CEP128: variants seen among roughly 807,000 people sequenced by gnomAD.
CEP128 encodes centrosomal protein 128.
CEP128 carries 132 observed loss-of-function variants against 156.7 expected under a neutral mutation model. That is an observed-to-expected ratio of 0.84 (90% CI 0.73 to 0.97). The LOEUF is 0.97. Among genes scored for constraint, CEP128 ranks in the 50% least tolerant of loss-of-function variants. The probability of loss-of-function intolerance (pLI) is 0.00; values close to 1 mark genes in which losing one functional copy is unlikely to be tolerated. For synonymous variants in CEP128, 469 were observed against 448.9 expected, an observed-to-expected ratio of 1.04 and a Z score of -0.57; for missense variants, 1,252 against 1,281.9, an observed-to-expected ratio of 0.98 and a Z score of 0.36.
Position 80,831,301 on chromosome 14 carries a change from A to G in CEP128, c.1058-7T>C. ...TGTTTTTCCCGCTCAACCCCTTAAA[A>G]GATAAAATGTAAGGCTCAAGGGTTG... On this transcript the variant is annotated splice_region_variant and splice_polypyrimidine_tract_variant and intron_variant, in intron 12 of 24. Transcript: ENST00000555265. 1 of 1,613,864 alleles carries G rather than the reference A, an allele frequency of 6.2e-7. No individual in the cohort carries two copies. Among genetic ancestry groups the G allele is most frequent in the Non-Finnish European group, 8.5e-7 (1 of 1,179,826 alleles).
chr14:80,850,910 T>C (rs959615462), intron 9 of CEP128, among the ~76,000 whole-genome samples: 1 of 152,216 alleles, frequency 6.6e-6, no homozygotes, highest in African/African-American at 2.4e-5. Context: ...AGTTGAATTA[T>C]GTTTAATTTA....
At chr14:80,879,629 T>C (rs1248285879) in intron 8 of CEP128, among the ~76,000 whole-genome samples, 1 of 151,870 alleles carries the variant, frequency 6.6e-6, no homozygotes, top group Non-Finnish European at 1.5e-5. Flanking sequence ...AAGATGAGTA[T>C]TTTGAAATGA....
intron 6 of CEP128, among the ~76,000 whole-genome samples, chr14:80,901,774 C>G (rs971728412): frequency 6.6e-6 from 1 of 152,328 alleles, no homozygotes; most frequent in Non-Finnish European, 1.5e-5. Context: ...CTCCTTCTCT[C>G]CAGCTCCACC....
chr14:80,494,296 A>G (rs1171162746), downstream of CEP128, among the ~76,000 whole-genome samples: 1 of 152,156 alleles, frequency 6.6e-6, no homozygotes, highest in Admixed American at 6.6e-5. Flanking sequence ...GAAGGCCATG[A>G]AAATCACAAA....
chr14:80,925,865 G>A (rs2139557586), intron 2 of CEP128, among the ~76,000 whole-genome samples: 1 of 152,294 alleles, frequency 6.6e-6, no homozygotes. Context: ...CCACTGGGGA[G>A]CCGAGCAATC....
At chr14:80,804,225 T>G (rs1486619249) in intron 13 of CEP128, among the ~76,000 whole-genome samples, 1 of 150,420 alleles carries the variant, frequency 6.6e-6, no homozygotes, top group Non-Finnish European at 1.5e-5. Context: ...ATGCACACAA[T>G]TAATTACAAT....
chr14:80,664,222 G>A (rs10144134), intron 19 of CEP128, among the ~76,000 whole-genome samples: 4,885 of 152,220 alleles, frequency 0.032, 251 homozygotes, highest in African/African-American at 0.11. Flanking sequence ...AAAAGATGGT[G>A]AGGGCCTCAA....
At chr14:80,806,894 T>G (rs1006959369) in intron 13 of CEP128, among the ~76,000 whole-genome samples, 2 of 152,188 alleles carry the variant, frequency 1.3e-5, no homozygotes, top group African/African-American at 4.8e-5. Flanking sequence ...TACATCATTA[T>G]AGAGCATTAT....
intron 19 of CEP128, among the ~76,000 whole-genome samples, chr14:80,617,219 CTTT>C (rs3069115): frequency 6.6e-5 from 4 of 60,210 alleles, no homozygotes; most frequent in Non-Finnish European, 5.8e-5. Context: ...TGAATATCAT[CTTT>C]TTTTTTTTTT....
In CEP128 at chr14:80,849,450, A is replaced by G. The variant is rs892156693; in HGVS notation, c.763-8682T>C. Among the ~76,000 whole-genome samples the G allele has an allele frequency of 5.3e-5, 8 of 152,200 alleles. No individual in the cohort carries two copies. The South Asian group carries it at 8.3e-4, about 16-fold the overall frequency. ...GAAAGTTTCAGGATCTCATTCTCAG[A>G]TAATAAACATAAAACTGTAACTTTT... On this transcript the variant is annotated intron_variant, in intron 9 of 24. Coordinates refer to ENST00000555265, the MANE Select transcript of CEP128 (RefSeq NM_152446.5).
chr14:80,721,518 T>C (rs1349399041), intron 19 of CEP128, among the ~76,000 whole-genome samples: 1 of 152,360 alleles, frequency 6.6e-6, no homozygotes, highest in East Asian at 1.9e-4. Flanking sequence ...TTATTGATTA[T>C]ATGTTGAAGT....
At position 80,846,138 on chromosome 14, in the gene CEP128, C is replaced by A. The variant is rs548377426; in HGVS notation, c.763-5370G>T. ...TTTACAATGACAATATTGGCAAGAACATATAAGTACACATAGCAAAGTAAA... is the reference window on the plus strand; with the variant it reads ...TTTACAATGACAATATTGGCAAGAAAATATAAGTACACATAGCAAAGTAAA... On this transcript the variant is annotated intron_variant, in intron 9 of 24. Coordinates refer to ENST00000555265, the MANE Select transcript of CEP128 (RefSeq NM_152446.5). 2.6e-5 allele frequency among the ~76,000 whole-genome samples: 4 copies of A among 152,186 alleles called. No individual in the cohort carries two copies. In the East Asian group the frequency reaches 7.7e-4, roughly 29 times the overall value.
At chr14:80,573,018 G>A (rs1891210494) in intron 20 of CEP128, among the ~76,000 whole-genome samples, 1 of 152,070 alleles carries the variant, frequency 6.6e-6, no homozygotes, top group South Asian at 2.1e-4. Context: ...TGCCTCTCAG[G>A]TTCAAGCGAT....
chr14:80,770,751 T>TTCTAC (rs200736264), intron 16 of CEP128, among the ~76,000 whole-genome samples: 7,507 of 152,222 alleles, frequency 0.049, 204 homozygotes, highest in Non-Finnish European at 0.065. Context: ...TACAACTTTA[T>TTCTAC]TCTACTCACA....
chr14:80,799,698 T>C (rs1368668727), intron 13 of CEP128, among the ~76,000 whole-genome samples: 2 of 152,120 alleles, frequency 1.3e-5, no homozygotes, highest in Admixed American at 6.5e-5. Context: ...CTTGTGCAGT[T>C]GAGATGAGGA....
At chr14:80,794,363 G>A (rs1233357123) in intron 13 of CEP128, among the ~76,000 whole-genome samples, 1 of 152,108 alleles carries the variant, frequency 6.6e-6, no homozygotes, top group East Asian at 1.9e-4. Flanking sequence ...TTCATTTTCT[G>A]GGCGACAGGT....
chr14:80,483,587 C>A (rs1887099258), intron 14 of CEP128, among the ~76,000 whole-genome samples: 1 of 152,146 alleles, frequency 6.6e-6, no homozygotes, highest in African/African-American at 2.4e-5. Context: ...TGAAAGACTG[C>A]AAATTTGGCT....
At chr14:80,822,570 A>C (rs1243078342) in intron 13 of CEP128, 1 of 697,720 alleles carries the variant, frequency 1.4e-6, no homozygotes, top group African/African-American at 1.8e-5. Context: ...GATAAAGCCA[A>C]GGTGAAGGAC....
chr14:80,914,331 C>G lies in CEP128; in HGVS notation c.225G>C (p.Ala75=). The G allele has an allele frequency of 6.2e-7, 1 of 1,612,442 alleles. No individual in the cohort carries two copies. Among genetic ancestry groups the G allele is most frequent in the Non-Finnish European group, 8.5e-7 (1 of 1,178,784 alleles). ...YREYSNGQAG[A]IEHLKESLEQ... Reference sequence around the variant, plus strand: ...AAATGTAGTTTCTCACATGTTCTATCGCACCCGCCTGTCCATTACTGTATT... The same window carrying G: ...AAATGTAGTTTCTCACATGTTCTATGGCACCCGCCTGTCCATTACTGTATT... Residue 75 remains alanine, a synonymous_variant, in exon 4 of 25, where the codon GCG becomes GCC. Coordinates refer to ENST00000555265, the MANE Select transcript of CEP128 (RefSeq NM_152446.5).
Sources: gnomAD v4.1 joint callset for allele counts (sites outside exome capture counted in the v4.1 genomes callset) on GRCh38, gnomAD v4.1.1 for gene constraint, MANE v1.5 for transcripts, NCBI Gene and HGNC (gene_info 2026-07-23, HGNC 2026-07-21) for gene names.